Variants in CEP85L observed in about 807,000 individuals in gnomAD.
CEP85L encodes centrosomal protein 85L.
In CEP85L, 60 loss-of-function variants were observed where a neutral mutation model predicts 100.3. The observed-to-expected ratio is 0.60, with a 90% CI of 0.49 to 0.74. The LOEUF is 0.74. CEP85L is among the 30% of genes least tolerant of loss of function. The pLI, the probability that CEP85L is intolerant of heterozygous loss-of-function variation, is 0.00. For missense variants in CEP85L, 973 were observed against 936.2 expected, an observed-to-expected ratio of 1.04 and a Z score of -0.51; for synonymous variants, 319 against 322.7, an observed-to-expected ratio of 0.99 and a Z score of 0.12.
chr6:118,684,723 A>G (rs1187419108), intron 1 of CEP85L, among the ~76,000 whole-genome samples: 2 of 152,224 alleles, frequency 1.3e-5, no homozygotes, highest in African/African-American at 4.8e-5. Flanking sequence ...CTCTTAAGAC[A>G]AGATGTAATA....
chr6:118,478,200 C>T (rs190821418), intron 10 of CEP85L, among the ~76,000 whole-genome samples: 1 of 152,130 alleles, frequency 6.6e-6, no homozygotes, highest in East Asian at 1.9e-4. Context: ...ATAATCAGTG[C>T]TCCTCTTTTA....
intron 1 of CEP85L, among the ~76,000 whole-genome samples, chr6:118,661,570 T>C (rs1775974817): frequency 1.3e-5 from 2 of 152,234 alleles, no homozygotes; most frequent in African/African-American, 4.8e-5. Flanking sequence ...TTAGGACTAA[T>C]GCATTAGTAA....
Position 118,462,452 on chromosome 6 carries a change from C to G in CEP85L, c.*2953G>C, listed in dbSNP as rs1320488503. 2 of 151,904 alleles carry G rather than the reference C, an allele frequency of 1.3e-5. No individual in the cohort carries two copies. Among genetic ancestry groups the G allele is most frequent in the Non-Finnish European group, 1.5e-5 (1 of 67,866 alleles). 9.4% of individuals were successfully genotyped at this position (151,904 alleles called of 1,614,324 possible). On this transcript the variant is annotated 3_prime_UTR_variant, in exon 13 of 13. Coordinates refer to ENST00000368491, the MANE Select transcript of CEP85L (RefSeq NM_001042475.3). The stretch of plus-strand genomic sequence containing the variant: ...AGGCAATTTGGGTCTTTCATTGAGT[C>G]AACTGTTACTTTATGCTTGCTGTAA...
chr6:118,684,329 G>A (rs993178827), intron 1 of CEP85L, among the ~76,000 whole-genome samples: 12 of 152,122 alleles, frequency 7.9e-5, no homozygotes, highest in African/African-American at 1.9e-4. Flanking sequence ...AGCAAGACCC[G>A]AGCTCTACAA....
chr6:118,570,741 A>G (rs1051952534), intron 2 of CEP85L, among the ~76,000 whole-genome samples: 1 of 152,176 alleles, frequency 6.6e-6, no homozygotes, highest in African/African-American at 2.4e-5. Flanking sequence ...CATTTACTAT[A>G]ACATCATTCC....
chr6:118,556,625 G>A (rs926923582), intron 3 of CEP85L, among the ~76,000 whole-genome samples: 1 of 152,106 alleles, frequency 6.6e-6, no homozygotes, highest in Non-Finnish European at 1.5e-5. Context: ...AGGTTGAGAT[G>A]GGCTTTTATG....
At chr6:118,698,809 T>A (rs1777299996) in intron 1 of CEP85L, among the ~76,000 whole-genome samples, 1 of 152,108 alleles carries the variant, frequency 6.6e-6, no homozygotes, top group African/African-American at 2.4e-5. Flanking sequence ...TGCAAAAAAA[T>A]TACAATAATT....
intron 1 of CEP85L, among the ~76,000 whole-genome samples, chr6:118,685,105 G>A (rs1776789186): frequency 1.3e-5 from 2 of 152,176 alleles, no homozygotes; most frequent in African/African-American, 2.4e-5. Context: ...TGAAGAACCT[G>A]TCTTCTGTTC....
intron 12 of CEP85L, 141 bp downstream of exon 12, chr6:118,468,931 G>C (rs1348764777): frequency 4.8e-6 from 3 of 623,224 alleles, no homozygotes; most frequent in South Asian, 2.0e-5. Context: ...AGTAATAACA[G>C]GTATACATAA....
chr6:118,620,911 A>G (rs1238815530), intron 2 of CEP85L, among the ~76,000 whole-genome samples: 3 of 152,182 alleles, frequency 2.0e-5, no homozygotes, highest in Admixed American at 6.5e-5. Flanking sequence ...AAGGAGGGAC[A>G]TATTATCCAA....
At chr6:118,626,646 T>C (rs1009728985) in intron 2 of CEP85L, among the ~76,000 whole-genome samples, 2 of 152,166 alleles carry the variant, frequency 1.3e-5, no homozygotes, top group African/African-American at 4.8e-5. Flanking sequence ...GCAACCCATT[T>C]GGGACCCCTT....
intron 2 of CEP85L, among the ~76,000 whole-genome samples, chr6:118,567,237 G>GTA (rs1779581913): frequency 1.0e-4 from 9 of 86,868 alleles, no homozygotes; most frequent in Non-Finnish European, 1.7e-4. Context: ...GTGTGTGTGT[G>GTA]TGTGTGTGTG....
chr6:118,486,684 C>T (rs25422), intron 6 of CEP85L, among the ~76,000 whole-genome samples: 26,525 of 152,104 alleles, frequency 0.17, 2,430 homozygotes, highest in Non-Finnish European at 0.19. Flanking sequence ...CTACATCTAT[C>T]CCCTCTCCTC....
chr6:118,549,292 AAAAAT>A (rs2114919838), intron 3 of CEP85L, among the ~76,000 whole-genome samples: 1 of 152,060 alleles, frequency 6.6e-6, no homozygotes, highest in East Asian at 1.9e-4. Flanking sequence ...AAAGAAAGGA[AAAAAT>A]AAAATAAATG....
At chr6:118,703,678 C>T (rs2114371793) in intron 1 of CEP85L, among the ~76,000 whole-genome samples, 1 of 152,302 alleles carries the variant, frequency 6.6e-6, no homozygotes, top group South Asian at 2.1e-4. Context: ...CTATTCCTCT[C>T]CTGTTTACTG....
intron 2 of CEP85L, among the ~76,000 whole-genome samples, chr6:118,630,808 A>T (rs1774096187): frequency 6.6e-6 from 1 of 152,184 alleles, no homozygotes; most frequent in East Asian, 1.9e-4. Context: ...GCTGCAGGTG[A>T]GTGAGGGCAG....
chr6:118,648,739 CAAAA>C (rs11442696), intron 1 of CEP85L, among the ~76,000 whole-genome samples: 1 of 73,316 alleles, frequency 1.4e-5, no homozygotes, highest in African/African-American at 4.4e-5. Context: ...AAGACTGTCT[CAAAA>C]AAAAAAAAAA....
At chr6:118,498,311 T>G (rs533959646) in intron 5 of CEP85L, among the ~76,000 whole-genome samples, 1 of 151,998 alleles carries the variant, frequency 6.6e-6, no homozygotes, top group Non-Finnish European at 1.5e-5. Context: ...CTAGGCAACA[T>G]AGTGAGACCC....
intron 9 of CEP85L, among the ~76,000 whole-genome samples, 156 bp downstream of exon 9, chr6:118,480,240 T>C (rs187522448): frequency 2.0e-5 from 3 of 152,312 alleles, no homozygotes; most frequent in Middle Eastern, 3.4e-3. Context: ...TCAATTGCTA[T>C]GGTCCTTTCA....
Sources: allele counts gnomAD v4.1 joint callset (sites outside exome capture counted in the v4.1 genomes callset), GRCh38; gene constraint gnomAD v4.1.1; transcripts MANE v1.5; gene names NCBI Gene and HGNC (gene_info 2026-07-23, HGNC 2026-07-21).